KCTD17: variants seen among roughly 807,000 people sequenced by gnomAD.
KCTD17 encodes the protein potassium channel tetramerization domain containing 17.
KCTD17 carries 20 observed loss-of-function variants against 41.5 expected under a neutral mutation model. That is an observed-to-expected ratio of 0.48 (90% CI 0.34 to 0.70). The LOEUF is 0.70. KCTD17 is among the 30% of genes least tolerant of loss of function. KCTD17 has a pLI of 0.01. For missense variants in KCTD17, 317 were observed against 427.2 expected, an observed-to-expected ratio of 0.74 and a Z score of 2.27; for synonymous variants, 156 against 173.8, an observed-to-expected ratio of 0.90 and a Z score of 0.80.
At chr22:37,056,672 C>A (rs542257182) in intron 3 of KCTD17, among the ~76,000 whole-genome samples, 13 of 152,284 alleles carry the variant, frequency 8.5e-5, no homozygotes, top group Admixed American at 7.2e-4. Context: ...CCTCTCCGGA[C>A]CTTGATTTTC....
intron 8 of KCTD17, 106 bp from the exon 9 acceptor site, chr22:37,062,419 C>A: frequency 7.4e-7 from 1 of 1,350,620 alleles, no homozygotes; most frequent in Non-Finnish European, 9.7e-7. Context: ...TCCCTCTCCC[C>A]CACCCGTCAA....
intron 6 of KCTD17, 41 bp downstream of exon 6, chr22:37,060,963 G>C (rs770223692): frequency 1.3e-6 from 2 of 1,536,690 alleles, no homozygotes; most frequent in East Asian, 4.9e-5. Context: ...AAGCAAAGCC[G>C]GAGCCTCCCG....
At chr22:37,058,195 A>G (rs1263739699) in intron 4 of KCTD17, among the ~76,000 whole-genome samples, 1 of 152,156 alleles carries the variant, frequency 6.6e-6, no homozygotes, top group East Asian at 1.9e-4. Context: ...GCCTTTCTCC[A>G]CGCCCACCCA....
At chr22:37,052,561 C>T in intron 1 of KCTD17, 1 of 470,494 alleles carries the variant, frequency 2.1e-6, no homozygotes, top group Non-Finnish European at 4.4e-6. Context: ...GGTCTCCTGT[C>T]CCCCATCCGT....
At chr22:37,052,067 A>C (rs1601478842) in intron 1 of KCTD17, 118 bp downstream of exon 1, 28 of 1,114,252 alleles carry the variant, frequency 2.5e-5, no homozygotes, top group Admixed American at 9.0e-5. Context: ...TTTCCGAGGA[A>C]CTGGAGGCGG....
chr22:37,061,067 C>T lies in KCTD17; in HGVS notation c.713-37C>T, dbSNP rs1925721037. On this transcript the variant is annotated intron_variant, in intron 6 of 8. Coordinates refer to ENST00000403888, the MANE Select transcript of KCTD17 (RefSeq NM_001282684.2). This position sits in a 1 kb window ranked among gnomAD's most constrained non-coding sequence, Gnocchi z 6.6. ...CTCAGCCACTTGCCTGGCGCCTCAC[C>T]CGCATAACCATCCCTTCTCTCACTT... The T allele has an allele frequency of 6.4e-7, 1 of 1,551,432 alleles. No individual in the cohort carries two copies. Among genetic ancestry groups the T allele is most frequent in the Non-Finnish European group, 8.7e-7 (1 of 1,146,872 alleles).
Position 37,056,360 on chromosome 22 carries a change from G to C in KCTD17, c.339G>C (p.Leu113=). 2 of 1,613,752 alleles carry C rather than the reference G, an allele frequency of 1.2e-6. No homozygotes were observed. The highest frequency in any genetic ancestry group is 1.7e-6 in the Non-Finnish European group (2 of 1,179,794). The change falls in exon 3 of 9, where the codon CTG becomes CTC. Residue 113 remains leucine (L), a synonymous_variant. Coordinates refer to ENST00000403888, the MANE Select transcript of KCTD17 (RefSeq NM_001282684.2). The stretch of plus-strand genomic sequence containing the variant: ...CCGAGTTCTACAACATCGGCCCGCT[G>C]ATCCGCATCATCAAAGACCGGATGG... ...EEAEFYNIGP[L]IRIIKDRMEE...
rs915480546 is a variant in KCTD17, at chr22:37,063,209, G to C, written c.*615G>C. Reference sequence around the variant, plus strand: ...CATTGCTGGCCCAGCGCCTGGCCTGGGGGGCGGGGAGAGGCAGCAGAAGGG... The same window carrying C: ...CATTGCTGGCCCAGCGCCTGGCCTGCGGGGCGGGGAGAGGCAGCAGAAGGG... On this transcript the variant is annotated 3_prime_UTR_variant, in exon 9 of 9. Coordinates refer to ENST00000403888, the MANE Select transcript of KCTD17 (RefSeq NM_001282684.2). This position sits in a 1 kb window ranked among gnomAD's most constrained non-coding sequence, Gnocchi z 4.6. 1 of 152,814 alleles carries C rather than the reference G, an allele frequency of 6.5e-6. No individual in the cohort carries two copies. The highest frequency in any genetic ancestry group is 2.4e-5 in the African/African-American group (1 of 41,406). The allele number at this position is 152,814 out of a possible 1,614,324, so 9.5% of individuals were successfully genotyped here. A position where few individuals can be genotyped will look rare whatever the true frequency, so the allele number is the denominator to read the frequency against.
At chr22:37,052,029 C>T in intron 1 of KCTD17, 80 bp downstream of exon 1, 2 of 1,262,284 alleles carry the variant, frequency 1.6e-6, no homozygotes, top group Non-Finnish European at 2.0e-6. Context: ...CTGGCTCGCC[C>T]GCCAGGCTGG....
At chr22:37,058,034 A>G (rs1925347363) in intron 4 of KCTD17, among the ~76,000 whole-genome samples, 1 of 152,224 alleles carries the variant, frequency 6.6e-6, no homozygotes. Context: ...CCCAGTCCAG[A>G]TGCAGTTTAC....
chr22:37,055,552 C>T (rs1376168525), intron 2 of KCTD17, among the ~76,000 whole-genome samples: 1 of 152,180 alleles, frequency 6.6e-6, no homozygotes, highest in Non-Finnish European at 1.5e-5. Context: ...TTCTGGGAGC[C>T]TAGGGGAGTC....
At chr22:37,058,456 T>TA (rs1189398911) in intron 4 of KCTD17, among the ~76,000 whole-genome samples, 1 of 152,210 alleles carries the variant, frequency 6.6e-6, no homozygotes, top group African/African-American at 2.4e-5. Flanking sequence ...CAGTAAAGCT[T>TA]ACAGCCCTCC....
chr22:37,059,223 A>G (rs1249266291), intron 4 of KCTD17, 90 bp from the exon 5 acceptor site: 4 of 1,562,790 alleles, frequency 2.6e-6, no homozygotes, highest in East Asian at 4.5e-5. Flanking sequence ...CTGAGCTGGT[A>G]TCTTGATTTG....
intron 5 of KCTD17, 167 bp downstream of exon 5, chr22:37,059,605 G>A (rs77673159): frequency 4.9e-5 from 39 of 802,454 alleles, no homozygotes; most frequent in East Asian, 4.0e-4. Context: ...GCCACCTGCC[G>A]TTACCCAGGC....
rs1290345484 is a variant in KCTD17 at position 37,061,786 on chromosome 22, A to C, written c.875+157A>C. On this transcript the variant is annotated intron_variant, in intron 8 of 8. Transcript: ENST00000403888. This position sits in a 1 kb window ranked among gnomAD's most constrained non-coding sequence, Gnocchi z 6.6. ...GGGGTGAGGCTCTGAGAGGAGAAGA[A>C]AGTTAGGGAGTGGGAACTTTCCTAC... The C allele has an allele frequency of 1.0e-6, 1 of 985,254 alleles. No individual in the cohort carries two copies. The highest frequency in any genetic ancestry group is 1.2e-6 in the Non-Finnish European group (1 of 829,918). 61.0% of individuals were successfully genotyped at this position (985,254 alleles called of 1,614,324 possible).
At position 37,063,369 on chromosome 22, in the gene KCTD17, TA is replaced by T. The variant is rs1926004537; in HGVS notation, c.*779del. 6.6e-6 allele frequency: 1 copy of T among 152,176 alleles called. No individual in the cohort carries two copies. The highest frequency in any genetic ancestry group is 1.5e-5 in the Non-Finnish European group (1 of 68,066). The allele number at this position is 152,176 out of a possible 1,614,324, so 9.4% of individuals were successfully genotyped here. On this transcript the variant is annotated 3_prime_UTR_variant, in exon 9 of 9. Coordinates refer to ENST00000403888, the MANE Select transcript of KCTD17 (RefSeq NM_001282684.2). This position sits in a 1 kb window ranked among gnomAD's most constrained non-coding sequence, Gnocchi z 4.6. ...AGCTGTGTCCGACCCCACCATGTAA[TA>T]AAACCCAAAGGAACAGCCCAGCCTG...
rs1190592011 is a variant in KCTD17 at position 37,061,374 on chromosome 22, C to T, written c.785-165C>T. 15 of 1,475,116 alleles carry T rather than the reference C, an allele frequency of 1.0e-5. No individual in the cohort carries two copies. Among genetic ancestry groups the T allele is most frequent in the East Asian group, 2.5e-5 (1 of 40,380 alleles). 91.4% of individuals were successfully genotyped at this position (1,475,116 alleles called of 1,614,324 possible). A position where few individuals can be genotyped will look rare whatever the true frequency, so the allele number is the denominator to read the frequency against. ...AGAGCGTCCTGCCTGCCGCCTCCTG[C>T]GCCCCTTCTGGTACCTCCTGCCTCC... On this transcript the variant is annotated intron_variant, in intron 7 of 8. Coordinates refer to ENST00000403888, the MANE Select transcript of KCTD17 (RefSeq NM_001282684.2). The surrounding 1 kb of genome is among the most constrained non-coding windows in gnomAD (Gnocchi z 6.6).
In KCTD17 at chr22:37,053,727, G is replaced by A. The variant is rs1924767629; in HGVS notation, c.298+519G>A. Reference sequence around the variant, plus strand: ...ACAGTGCTGGCTGTGGGTGGAGGCAGGAGAGGGGGGAGTCTGCTTCCCAGT... The same window carrying A: ...ACAGTGCTGGCTGTGGGTGGAGGCAAGAGAGGGGGGAGTCTGCTTCCCAGT... On this transcript the variant is annotated intron_variant, in intron 2 of 8. Transcript: ENST00000403888. This position sits in a 1 kb window ranked among gnomAD's most constrained non-coding sequence, Gnocchi z 4.1. 6.6e-6 allele frequency among the ~76,000 whole-genome samples: 1 copy of A among 152,186 alleles called. No homozygotes were observed. Among genetic ancestry groups the A allele is most frequent in the Non-Finnish European group, 1.5e-5 (1 of 68,026 alleles).
intron 1 of KCTD17, chr22:37,052,754 G>A: frequency 2.3e-6 from 1 of 438,812 alleles, no homozygotes; most frequent in Non-Finnish European, 4.6e-6. Flanking sequence ...CGACAGTGGG[G>A]CTGGCTTCAG....
Sources: allele counts gnomAD v4.1 joint callset (sites outside exome capture counted in the v4.1 genomes callset), GRCh38; gene constraint gnomAD v4.1.1; non-coding constraint Gnocchi (gnomAD v3.1); transcripts MANE v1.5; gene names NCBI Gene and HGNC (gene_info 2026-07-23, HGNC 2026-07-21).